Variants in MYPN observed in about 807,000 individuals in gnomAD.
The protein encoded by MYPN is myopalladin.
MYPN carries 63 observed loss-of-function variants against 129.4 expected under a neutral mutation model. The observed-to-expected ratio is 0.49, with a 90% CI of 0.40 to 0.60. MYPN has a LOEUF of 0.60. Ranked by LOEUF, MYPN falls within the 20% of genes least tolerant of loss-of-function variation. MYPN has a pLI of 0.00. For synonymous variants in MYPN, 629 were observed against 600.9 expected, an observed-to-expected ratio of 1.05 and a Z score of -0.68; for missense variants, 1,596 against 1,635.4, an observed-to-expected ratio of 0.98 and a Z score of 0.42.
At chr10:68,135,190 T>C (rs1364103342) in intron 2 of MYPN, among the ~76,000 whole-genome samples, 1 of 152,070 alleles carries the variant, frequency 6.6e-6, no homozygotes. Context: ...TGACCTCAAG[T>C]GATCCACCTG....
chr10:68,146,937 G>A (rs1237458532), intron 4 of MYPN, among the ~76,000 whole-genome samples: 3 of 152,106 alleles, frequency 2.0e-5, no homozygotes, highest in Non-Finnish European at 2.9e-5. Context: ...TTGGATACAC[G>A]GATTGGCTTT....
intron 1 of MYPN, among the ~76,000 whole-genome samples, chr10:68,114,026 C>G (rs1044298540): frequency 6.6e-6 from 1 of 152,102 alleles, no homozygotes; most frequent in Non-Finnish European, 1.5e-5. Flanking sequence ...AACTTTGTAC[C>G]CTTTGACCAA....
At position 68,211,541 on chromosome 10, in the gene MYPN, G is replaced by T. The variant is rs1421270705; in HGVS notation, c.*1086G>T. 4.4e-6 allele frequency: 2 copies of T among 453,946 alleles called. No homozygotes were observed. Among genetic ancestry groups the T allele is most frequent in the Admixed American group, 4.7e-5 (2 of 42,530 alleles). 28.1% of individuals were successfully genotyped at this position (453,946 alleles called of 1,614,324 possible). ...TATGTAGAGAATATTCTGCTAGGTG[G>T]AAAAGTTGGGAGAAAGGGGAATATG... is the stretch of plus-strand genomic sequence containing the variant. On this transcript the variant is annotated 3_prime_UTR_variant, in exon 20 of 20. Transcript: ENST00000358913.
chr10:68,181,686 T>C (rs918288271), intron 12 of MYPN, among the ~76,000 whole-genome samples: 7 of 152,122 alleles, frequency 4.6e-5, no homozygotes, highest in African/African-American at 1.7e-4. Flanking sequence ...AGATGCATGA[T>C]GGGAACCACA....
Position 68,177,563 on chromosome 10 carries a change from C to A in MYPN, c.2703+2102C>A, listed in dbSNP as rs79246732. On this transcript the variant is annotated intron_variant, in intron 12 of 19. Coordinates refer to ENST00000358913, the MANE Select transcript of MYPN (RefSeq NM_032578.4). Reference sequence around the variant, plus strand: ...TATTATAATATTGTTTTATCCATTGCTGTCTTCGGAAATGATAGTAAAAAC... The same window carrying A: ...TATTATAATATTGTTTTATCCATTGATGTCTTCGGAAATGATAGTAAAAAC... Among the ~76,000 whole-genome samples the A allele has an allele frequency of 2.0e-3, 298 of 152,264 alleles. 4 individuals are homozygous for A. Among genetic ancestry groups the A allele is most frequent in the East Asian group, 0.013 (65 of 5,188 alleles).
intron 2 of MYPN, among the ~76,000 whole-genome samples, chr10:68,133,709 T>C (rs1389220753): frequency 6.6e-6 from 1 of 151,852 alleles, no homozygotes; most frequent in African/African-American, 2.4e-5. Context: ...GGGAGCTACA[T>C]TCAGAGCAGC....
intron 2 of MYPN, among the ~76,000 whole-genome samples, chr10:68,127,800 C>A (rs2042349878): frequency 6.6e-6 from 1 of 152,068 alleles, no homozygotes; most frequent in South Asian, 2.1e-4. Flanking sequence ...TTAAAAAATA[C>A]CTTAAAATAA....
Position 68,205,523 on chromosome 10 carries a change from A to G in MYPN, c.3660-1247A>G, listed in dbSNP as rs923189361. ...GTGAAACCCTATTTCTACCAAAAAA[A>G]AAAAAAAAGAAAAATTAGGCAGGCA... On this transcript the variant is annotated intron_variant, in intron 18 of 19. Coordinates refer to ENST00000358913, the MANE Select transcript of MYPN (RefSeq NM_032578.4). 3.3e-5 allele frequency among the ~76,000 whole-genome samples: 5 copies of G among 151,772 alleles called. No individual in the cohort carries two copies. In the South Asian group the frequency reaches 6.2e-4, roughly 19 times the overall value.
At chr10:68,201,476 AC>A (rs1159553669) in intron 17 of MYPN, among the ~76,000 whole-genome samples, 1 of 152,142 alleles carries the variant, frequency 6.6e-6, no homozygotes, top group Non-Finnish European at 1.5e-5. Context: ...AATAAGAATG[AC>A]CCTTCTCCAC....
chr10:68,165,393 A>G, intron 8 of MYPN: 2 of 458,554 alleles, frequency 4.4e-6, no homozygotes, highest in South Asian at 3.2e-5. Flanking sequence ...CGGAGGTTGC[A>G]GTGAGCCGAG....
intron 18 of MYPN, among the ~76,000 whole-genome samples, chr10:68,204,325 T>C (rs2043773367): frequency 6.6e-6 from 1 of 152,212 alleles, no homozygotes; most frequent in Admixed American, 6.5e-5. Context: ...GGCTATTGCC[T>C]CACCTCACTA....
intron 1 of MYPN, among the ~76,000 whole-genome samples, chr10:68,089,842 G>A (rs1049435979): frequency 1.3e-5 from 2 of 152,092 alleles, no homozygotes; most frequent in Admixed American, 6.6e-5. Context: ...TATATATAAT[G>A]AAATGATTAA....
chr10:68,199,424 A>AC lies in MYPN; in HGVS notation c.3344dup (p.Asp1116ArgfsTer19). 6.2e-7 allele frequency: 1 copy of AC among 1,614,164 alleles called. No homozygotes were observed. The highest frequency in any genetic ancestry group is 8.5e-7 in the Non-Finnish European group (1 of 1,180,026). ...GGCTACTCAATGGCCAACCTGTGCT[A>AC]CCAGATGCCTCCCACAAGATGCTGG... On this transcript the variant is annotated frameshift_variant, in exon 17 of 20. Transcript: ENST00000358913. LOFTEE classifies it high-confidence loss of function.
chr10:68,155,575 T>A (rs930390675), intron 6 of MYPN, among the ~76,000 whole-genome samples: 4 of 152,210 alleles, frequency 2.6e-5, no homozygotes, highest in Non-Finnish European at 5.9e-5. Context: ...GCTGAAATGA[T>A]CAAGTCTGTA....
rs1384269199 is a variant in MYPN at position 68,182,851 on chromosome 10, A to T, written c.2704-6054A>T. 3.3e-5 allele frequency among the ~76,000 whole-genome samples: 5 copies of T among 152,122 alleles called. No individual in the cohort carries two copies. The East Asian group carries it at 9.6e-4, about 29-fold the overall frequency. On this transcript the variant is annotated intron_variant, in intron 12 of 19. Coordinates refer to ENST00000358913, the MANE Select transcript of MYPN (RefSeq NM_032578.4). The stretch of plus-strand genomic sequence containing the variant: ...AAAACTCATTGAGTTCTCTGTTTTC[A>T]TGACCTCTCAACTTGGAGTACTGGT...
At position 68,099,478 on chromosome 10, in the gene MYPN, T is replaced by C. The variant is rs151185594; in HGVS notation, c.-2+11486T>C. Among the ~76,000 whole-genome samples the C allele has an allele frequency of 3.1e-3, 477 of 152,054 alleles. 5 individuals carry two copies. The highest frequency in any genetic ancestry group is 0.01 in the East Asian group (53 of 5,170). On this transcript the variant is annotated intron_variant, in intron 1 of 6. Transcript: ENST00000685154. ...GGTGACACCCAGTCTCTATTAAAAA[T>C]ACAAAAATTAGCTGGGCATAGTGCC... is the stretch of plus-strand genomic sequence containing the variant.
chr10:68,143,287 T>G lies in MYPN; in HGVS notation c.1078+172T>G, dbSNP rs1213179794. 2.6e-5 allele frequency among the ~76,000 whole-genome samples: 4 copies of G among 152,192 alleles called. No individual in the cohort carries two copies. The East Asian group carries it at 7.7e-4, about 29-fold the overall frequency. ...GCTCATTTACTGATAATTTACATTA[T>G]ATGATGGGAAAGACAGAAAATAAAC... On this transcript the variant is annotated intron_variant, in intron 3 of 19. Coordinates refer to ENST00000358913, the MANE Select transcript of MYPN (RefSeq NM_032578.4).
At chr10:68,157,908 C>T (rs1013918444) in intron 6 of MYPN, among the ~76,000 whole-genome samples, 1 of 147,788 alleles carries the variant, frequency 6.8e-6, no homozygotes, top group Non-Finnish European at 1.5e-5. Flanking sequence ...ACCAAAACAA[C>T]AACAAAAAAA....
chr10:68,206,270 T>C (rs1238656931), intron 18 of MYPN, among the ~76,000 whole-genome samples: 3 of 152,144 alleles, frequency 2.0e-5, no homozygotes, highest in African/African-American at 7.2e-5. Context: ...TGAAAAACTA[T>C]GGATGTGGAG....
Sources: gnomAD v4.1 joint callset for allele counts (sites outside exome capture counted in the v4.1 genomes callset) on GRCh38, gnomAD v4.1.1 for gene constraint, MANE v1.5 for transcripts, NCBI Gene and HGNC (gene_info 2026-07-23, HGNC 2026-07-21) for gene names.